Variants in NDST4 observed in about 807,000 individuals in gnomAD.
NDST4 encodes the protein N-deacetylase and N-sulfotransferase 4.
A neutral mutation model predicts 100.8 loss-of-function variants in NDST4; 63 were observed. That is an observed-to-expected ratio of 0.62 (90% CI 0.51 to 0.77). The LOEUF is 0.77. NDST4 is among the 30% of genes least tolerant of loss of function. The probability of loss-of-function intolerance (pLI) is 0.00; values close to 1 mark genes in which losing one functional copy is unlikely to be tolerated. For missense variants in NDST4, 943 were observed against 1,018.4 expected, an observed-to-expected ratio of 0.93 and a Z score of 1.01; for synonymous variants, 377 against 361.8, an observed-to-expected ratio of 1.04 and a Z score of -0.48.
intron 6 of NDST4, among the ~76,000 whole-genome samples, chr4:114,875,097 G>A (rs1034323580): frequency 3.3e-5 from 5 of 152,238 alleles, no homozygotes; most frequent in African/African-American, 2.4e-5. Context: ...TGGATGAATT[G>A]AAGAATAAGA....
At chr4:114,969,323 A>G (rs1344904317) in intron 4 of NDST4, among the ~76,000 whole-genome samples, 1 of 37,574 alleles carries the variant, frequency 2.7e-5, no homozygotes, top group Non-Finnish European at 5.4e-5. Flanking sequence ...CAAAAAAAGA[A>G]AAAAAAAAAA....
chr4:114,944,232 TAGG>T lies in NDST4; in HGVS notation c.1222-6732_1222-6730del, dbSNP rs1250748628. On this transcript the variant is annotated intron_variant, in intron 4 of 13. Transcript: ENST00000264363. ...GAGTCTGGCAAATGGAGAATCCTGG[TAGG>T]AGATCAGAGAGAAGAAAGAGTGAAG... Among the ~76,000 whole-genome samples the T allele has an allele frequency of 4.6e-5, 7 of 152,326 alleles. No homozygotes were observed. The East Asian group carries it at 1.4e-3, about 29-fold the overall frequency.
At chr4:114,923,794 T>C (rs1725334517) in intron 6 of NDST4, among the ~76,000 whole-genome samples, 1 of 151,966 alleles carries the variant, frequency 6.6e-6, no homozygotes, top group South Asian at 2.1e-4. Context: ...GCTTTTGCTG[T>C]TGAAAGTTTA....
chr4:115,058,923 G>T (rs1008779512), intron 2 of NDST4, among the ~76,000 whole-genome samples: 1 of 151,690 alleles, frequency 6.6e-6, no homozygotes, highest in Non-Finnish European at 1.5e-5. Flanking sequence ...AAATTAAATG[G>T]TTTCATAGAG....
intron 10 of NDST4, among the ~76,000 whole-genome samples, chr4:114,840,652 T>C (rs1723405469): frequency 1.3e-5 from 2 of 152,182 alleles, no homozygotes; most frequent in South Asian, 2.1e-4. Flanking sequence ...GACTTCGTCA[T>C]CTAAGGTAAG....
chr4:115,025,441 C>T (rs986389556), intron 2 of NDST4, among the ~76,000 whole-genome samples: 6 of 151,988 alleles, frequency 3.9e-5, no homozygotes, highest in African/African-American at 1.4e-4. Flanking sequence ...TAATAATTTG[C>T]TTATGAACAT....
chr4:114,995,101 G>C (rs193098801), intron 2 of NDST4, among the ~76,000 whole-genome samples: 2 of 152,136 alleles, frequency 1.3e-5, no homozygotes, highest in Middle Eastern at 3.4e-3. Flanking sequence ...TCCCCAAGAA[G>C]CATTTAAGTT....
chr4:114,918,064 T>C (rs1725211459), intron 6 of NDST4, among the ~76,000 whole-genome samples: 3 of 152,184 alleles, frequency 2.0e-5, no homozygotes, highest in African/African-American at 4.8e-5. Flanking sequence ...GTTTTAGATA[T>C]ATGTTTCTTA....
chr4:115,066,968 C>T (rs1728961410), intron 2 of NDST4, among the ~76,000 whole-genome samples: 1 of 152,210 alleles, frequency 6.6e-6, no homozygotes, highest in Non-Finnish European at 1.5e-5. Flanking sequence ...TAAGCCACTG[C>T]TGTCTATGCC....
chr4:115,068,079 G>A (rs1169360055), intron 2 of NDST4, among the ~76,000 whole-genome samples: 1 of 151,874 alleles, frequency 6.6e-6, no homozygotes, highest in African/African-American at 2.4e-5. Context: ...ATTTCAAATG[G>A]CTGTTGGAAC....
chr4:115,052,698 CTCTT>C (rs1279392913), intron 2 of NDST4, among the ~76,000 whole-genome samples: 4 of 152,136 alleles, frequency 2.6e-5, no homozygotes, highest in African/African-American at 9.7e-5. Context: ...TCAATTAAAA[CTCTT>C]TCCTTTGTAA....
chr4:115,109,005 AGAAG>A (rs1055869604), intron 1 of NDST4, among the ~76,000 whole-genome samples: 3 of 151,490 alleles, frequency 2.0e-5, no homozygotes, highest in African/African-American at 4.8e-5. Context: ...TAGGAAAGCA[AGAAG>A]GAAGAAGGAA....
intron 4 of NDST4, among the ~76,000 whole-genome samples, chr4:114,943,473 C>A (rs1303366004): frequency 1.3e-5 from 2 of 152,104 alleles, no homozygotes; most frequent in Non-Finnish European, 2.9e-5. Context: ...CTCTCTGATT[C>A]TTTTCTCCCA....
At chr4:114,887,394 A>G in intron 6 of NDST4, among the ~76,000 whole-genome samples, 1 of 152,190 alleles carries the variant, frequency 6.6e-6, no homozygotes, top group East Asian at 1.9e-4. Context: ...AAGCAAGTGA[A>G]GATTATAATG....
chr4:115,037,874 T>C (rs1728266557), intron 2 of NDST4, among the ~76,000 whole-genome samples: 1 of 152,062 alleles, frequency 6.6e-6, no homozygotes, highest in South Asian at 2.1e-4. Flanking sequence ...TGTGAGTAAA[T>C]ATTTGAAAAG....
chr4:114,839,287 G>A, intron 11 of NDST4, 91 bp downstream of exon 11: 1 of 1,257,874 alleles, frequency 7.9e-7, no homozygotes, highest in African/African-American at 1.5e-5. Context: ...ATGATAAGCA[G>A]AAGAAAGTAA....
chr4:115,047,546 C>T (rs1178249281), intron 2 of NDST4, among the ~76,000 whole-genome samples: 1 of 151,864 alleles, frequency 6.6e-6, no homozygotes, highest in African/African-American at 2.4e-5. Flanking sequence ...GATTTTAATT[C>T]CGATAGCTTT....
At chr4:115,069,600 A>G (rs184773037) in intron 2 of NDST4, among the ~76,000 whole-genome samples, 2 of 152,216 alleles carry the variant, frequency 1.3e-5, no homozygotes, top group African/African-American at 4.8e-5. Flanking sequence ...AACCACAATG[A>G]GATATCATCT....
chr4:114,863,111 C>T (rs1199616905), intron 7 of NDST4, among the ~76,000 whole-genome samples: 1 of 151,926 alleles, frequency 6.6e-6, no homozygotes, highest in Non-Finnish European at 1.5e-5. Context: ...CAGACTTTTC[C>T]TACTCTGACT....
Sources: allele counts gnomAD v4.1 joint callset (sites outside exome capture counted in the v4.1 genomes callset), GRCh38; gene constraint gnomAD v4.1.1; transcripts MANE v1.5; gene names NCBI Gene and HGNC (gene_info 2026-07-23, HGNC 2026-07-21).